SRRT: variants seen among roughly 807,000 people sequenced by gnomAD.
SRRT encodes serrate RNA effector molecule homolog.
In SRRT, 32 loss-of-function variants were observed where a neutral mutation model predicts 103.2. The observed-to-expected ratio is 0.31, with a 90% CI of 0.23 to 0.42. The LOEUF is 0.42. Ranked by LOEUF, SRRT falls within the 10% of genes least tolerant of loss-of-function variation. The probability of loss-of-function intolerance (pLI) is 1.00; values close to 1 mark genes in which losing one functional copy is unlikely to be tolerated. For synonymous variants in SRRT, 525 were observed against 449.0 expected (o/e 1.17, Z -2.14); for missense variants, 986 against 1,207.5 (o/e 0.82, Z 2.72).
chr7:100,886,474 G>A (rs1243606404), intron 13 of SRRT, 39 bp downstream of exon 13: 6 of 1,571,122 alleles, frequency 3.8e-6, no homozygotes, highest in Non-Finnish European at 5.2e-6. Context: ...GAAGCAACTG[G>A]TAGTGCCTCT....
Position 100,888,576 on chromosome 7 carries a change from T to G in SRRT, c.*27T>G, listed in dbSNP as rs779197700. 6.2e-7 allele frequency: 1 copy of G among 1,613,696 alleles called. No homozygotes were observed. Among genetic ancestry groups the G allele is most frequent in the Non-Finnish European group, 8.5e-7 (1 of 1,179,562 alleles). ...CCGTCCCCCGTTCCTCAGTCCTGTA[T>G]CATCCATACTTGTACTACCTTGTCC... On this transcript the variant is annotated 3_prime_UTR_variant, in exon 20 of 20. Coordinates refer to ENST00000611405, the MANE Select transcript of SRRT (RefSeq NM_015908.6).
intron 19 of SRRT, 36 bp from the exon 20 acceptor site, chr7:100,888,438 G>C (rs1221631902): frequency 6.2e-7 from 1 of 1,612,982 alleles, no homozygotes; most frequent in Non-Finnish European, 8.5e-7. Flanking sequence ...CCTTTTGGGA[G>C]CCCTCAGCTC....
rs1790031876 is a variant in SRRT, at chr7:100,885,773, CG to C, written c.1379+13del. On this transcript the variant is annotated intron_variant, in intron 11 of 19. Coordinates refer to ENST00000611405, the MANE Select transcript of SRRT (RefSeq NM_015908.6). This position sits in a 1 kb window ranked among gnomAD's most constrained non-coding sequence, Gnocchi z 4.8. Reference sequence around the variant, plus strand: ...CCAGCCAGAGAGGAGGTGAGTAACTCGGTGCGTTGGAGGGAAAAGTGCAGGG... The same window carrying C: ...CCAGCCAGAGAGGAGGTGAGTAACTCGTGCGTTGGAGGGAAAAGTGCAGGG... The C allele has an allele frequency of 1.9e-6, 3 of 1,614,068 alleles. No homozygotes were observed. In the Middle Eastern group the frequency reaches 5.0e-4, roughly 266 times the overall value.
chr7:100,884,733 AC>A lies in SRRT; in HGVS notation c.943-5del, dbSNP rs1335029893. On this transcript the variant is annotated splice_polypyrimidine_tract_variant and splice_region_variant and intron_variant, in intron 7 of 19. Transcript: ENST00000611405. ...TTGACATCCCCAGTGGTTGTCTCTT[AC>A]CATAGGCTGAGAATGACAGTTCTAA... is the stretch of plus-strand genomic sequence containing the variant. The A allele has an allele frequency of 5.0e-6, 8 of 1,613,468 alleles. No homozygotes were observed. Among genetic ancestry groups the A allele is most frequent in the Non-Finnish European group, 6.8e-6 (8 of 1,179,644 alleles).
intron 12 of SRRT, 33 bp from the exon 13 acceptor site, chr7:100,886,214 T>TGGGGTAAGC (rs777513916): frequency 1.1e-5 from 17 of 1,596,178 alleles, no homozygotes; most frequent in Non-Finnish European, 1.5e-5. Context: ...GCGGGGTAAG[T>TGGGGTAAGC]GGGGTAAGCT....
rs977688674 is a variant in SRRT, at chr7:100,882,301, G to A, written c.587+60G>A. 4.5e-6 allele frequency: 7 copies of A among 1,567,612 alleles called. No individual in the cohort carries two copies. In the African/African-American group the frequency reaches 9.5e-5, roughly 21 times the overall value. ...GCATGTCCCCCTGGCCCCGCTGGTG[G>A]AGCCACAGCCCTGTCCTCTTCCCAG... On this transcript the variant is annotated intron_variant, in intron 5 of 19. Transcript: ENST00000611405. The surrounding 1 kb of genome is among the most constrained non-coding windows in gnomAD (Gnocchi z 4.2).
rs575594138 is a variant in SRRT at position 100,876,744 on chromosome 7, G to A, written c.122+1032G>A. On this transcript the variant is annotated intron_variant, in intron 2 of 19. Transcript: ENST00000611405. ...GGCAGTGGATGTATTCTGTAAATGA[G>A]TATATATAGTGGAAGTTATAAAGAG... 3.3e-5 allele frequency among the ~76,000 whole-genome samples: 5 copies of A among 152,258 alleles called. No individual in the cohort carries two copies. In the East Asian group the frequency reaches 9.6e-4, roughly 29 times the overall value.
chr7:100,878,400 T>C (rs899463436), intron 2 of SRRT, among the ~76,000 whole-genome samples: 2 of 151,926 alleles, frequency 1.3e-5, no homozygotes, highest in Non-Finnish European at 2.9e-5. Flanking sequence ...CTTGGTGAGA[T>C]AGGCAGTGAT....
intron 2 of SRRT, 47 bp downstream of exon 2, chr7:100,875,759 C>T (rs1238431610): frequency 1.2e-6 from 2 of 1,606,626 alleles, no homozygotes; most frequent in South Asian, 1.1e-5. Flanking sequence ...TGCCGTTTCA[C>T]TCCACCCGCG....
In SRRT at chr7:100,884,519, C is replaced by T. The variant is rs116129589; in HGVS notation, c.909C>T (p.Asn303=). The change falls in exon 7 of 20, where the codon AAC becomes AAT. Residue 303 remains asparagine, a synonymous_variant. Coordinates refer to ENST00000611405, the MANE Select transcript of SRRT (RefSeq NM_015908.6). ...AGLGDGERKT[N]DKDEKKEDGK... ...TAGGGGACGGGGAGCGCAAAACCAACGACAAGGATGAGAAGAAGGAAGACG... is the reference window on the plus strand; with the variant it reads ...TAGGGGACGGGGAGCGCAAAACCAATGACAAGGATGAGAAGAAGGAAGACG... 1.4e-3 allele frequency: 2,237 copies of T among 1,612,196 alleles called. 18 individuals carry two copies. The African/African-American group carries it at 0.025, about 18-fold the overall frequency.
Position 100,875,572 on chromosome 7 carries a change from G to A in SRRT, c.-18-1G>A. ...TCCTACCGCCTCTCCCCGGTCCCCA[G>A]GCCCCCTCAGACCGTGCCATGGGTG... On this transcript the variant is annotated splice_acceptor_variant, in intron 1 of 19. Transcript: ENST00000611405. LOFTEE classifies it low-confidence loss of function (5UTR_SPLICE). 1.2e-6 allele frequency: 2 copies of A among 1,613,718 alleles called. No homozygotes were observed. Among genetic ancestry groups the A allele is most frequent in the Admixed American group, 1.7e-5 (1 of 60,020 alleles).
intron 3 of SRRT, 62 bp downstream of exon 3, chr7:100,881,475 C>G: frequency 6.3e-7 from 1 of 1,586,616 alleles, no homozygotes; most frequent in Non-Finnish European, 8.6e-7. Context: ...CCTCCCCTTT[C>G]TCCCCTCACC....
intron 6 of SRRT, 52 bp from the exon 7 acceptor site, chr7:100,884,316 T>C: frequency 1.2e-6 from 2 of 1,607,856 alleles, no homozygotes; most frequent in South Asian, 2.2e-5. Context: ...TAGAAGCCGG[T>C]TGACAGGAGC....
At chr7:100,880,742 C>A in intron 2 of SRRT, 1 of 424,188 alleles carries the variant, frequency 2.4e-6, no homozygotes, top group South Asian at 1.6e-5. Flanking sequence ...CTGGTGCAGT[C>A]GAAGCTTGCT....
intron 5 of SRRT, chr7:100,883,178 CGAAT>C (rs1563017133): frequency 6.6e-6 from 1 of 152,524 alleles, no homozygotes; most frequent in Admixed American, 6.5e-5. Flanking sequence ...TCCCCTCTCT[CGAAT>C]TGCTCTGTGT....
intron 2 of SRRT, among the ~76,000 whole-genome samples, chr7:100,880,317 G>T (rs183644587): frequency 2.0e-5 from 3 of 151,920 alleles, no homozygotes; most frequent in Admixed American, 6.6e-5. Context: ...TTTTTTTGGT[G>T]GGGGGGATGA....
In SRRT at chr7:100,884,231, T is replaced by A; in HGVS notation, c.749T>A (p.Leu250Gln). 6.2e-7 allele frequency: 1 copy of A among 1,614,112 alleles called. No homozygotes were observed. The highest frequency in any genetic ancestry group is 8.5e-7 in the Non-Finnish European group (1 of 1,180,010). ...IDKADAIVKM[L>Q]DAAVIKMEGG... Reference sequence around the variant, plus strand: ...AAAGCTGATGCCATTGTCAAGATGCTGGATGCAGGTGTGCGGATTTGGAGG... The same window carrying A: ...AAAGCTGATGCCATTGTCAAGATGCAGGATGCAGGTGTGCGGATTTGGAGG... The change falls in exon 6 of 20, where the codon CTG becomes CAG. Residue 250 changes from leucine to glutamine, a missense_variant. Leu to Gln is a moderately radical substitution (Grantham distance 113). This residue lies in a region of SRRT where 274 missense variants were observed against 358.5 expected (regional missense o/e 0.76). Coordinates refer to ENST00000611405, the MANE Select transcript of SRRT (RefSeq NM_015908.6).
chr7:100,885,315 G>T lies in SRRT; in HGVS notation c.1262G>T (p.Cys421Phe). 1 of 1,614,164 alleles carries T rather than the reference G, an allele frequency of 6.2e-7. No individual in the cohort carries two copies. The highest frequency in any genetic ancestry group is 8.5e-7 in the Non-Finnish European group (1 of 1,180,034). Reference sequence around the variant, plus strand: ...AAGCCGCGGCCGCTGCATAAGACCTGCTCCCTCTTCATGCGCAACATCGCG... The same window carrying T: ...AAGCCGCGGCCGCTGCATAAGACCTTCTCCCTCTTCATGCGCAACATCGCG... ...ECKPRPLHKT[C>F]SLFMRNIAPN... Residue 421 changes from cysteine (C) to phenylalanine (F), a missense_variant, in exon 10 of 20, where the codon TGC (cysteine) becomes TTC (phenylalanine). Physicochemically the swap from Cys to Phe is radical, Grantham distance 205. Coordinates refer to ENST00000611405, the MANE Select transcript of SRRT (RefSeq NM_015908.6). This position sits in a 1 kb window ranked among gnomAD's most constrained non-coding sequence, Gnocchi z 4.8.
chr7:100,884,003 C>A, intron 5 of SRRT, 67 bp from the exon 6 acceptor site: 1 of 1,506,606 alleles, frequency 6.6e-7, no homozygotes, highest in Non-Finnish European at 8.9e-7. Context: ...TTCCTGGGCC[C>A]CTTCCCACAT....
Sources: gnomAD v4.1 joint callset for allele counts (sites outside exome capture counted in the v4.1 genomes callset) on GRCh38, gnomAD v4.1.1 for gene constraint, gnomAD v4.1.1 regional missense constraint, Gnocchi (gnomAD v3.1) non-coding constraint, MANE v1.5 for transcripts, NCBI Gene and HGNC (gene_info 2026-07-23, HGNC 2026-07-21) for gene names.